The following TRIP12 variants were observed in gnomAD, a reference collection of about 807,000 sequenced individuals.
TRIP12 encodes E3 ubiquitin-protein ligase TRIP12.
Under a neutral mutation model 244.2 loss-of-function variants are expected in TRIP12, and 25 were observed. That is an observed-to-expected ratio of 0.10 (90% confidence interval 0.07 to 0.14). TRIP12 has a LOEUF of 0.14. TRIP12 is among the 10% of genes least tolerant of loss of function. TRIP12 has a pLI of 1.00. For missense variants in TRIP12, 1,677 were observed against 2,486.4 expected, an observed-to-expected ratio of 0.67 and a Z score of 6.92; for synonymous variants, 905 against 873.1, an observed-to-expected ratio of 1.04 and a Z score of -0.64.
At chr2:229,902,213 G>A (rs761729985) in intron 1 of TRIP12, among the ~76,000 whole-genome samples, 4 of 151,922 alleles carry the variant, frequency 2.6e-5, no homozygotes, top group African/African-American at 4.8e-5. Flanking sequence ...GTGAAACCCC[G>A]CCTCTGCTAA....
At chr2:229,897,204 G>A (rs1428529551) in intron 1 of TRIP12, among the ~76,000 whole-genome samples, 2 of 152,136 alleles carry the variant, frequency 1.3e-5, no homozygotes, top group Non-Finnish European at 1.5e-5. Flanking sequence ...GTGAAAAAGG[G>A]TTTAATCCAG....
intron 13 of TRIP12, 98 bp from the exon 14 acceptor site, chr2:229,811,302 A>G: frequency 8.0e-7 from 1 of 1,243,244 alleles, no homozygotes; most frequent in Non-Finnish European, 1.1e-6. Context: ...AGATTCTTCA[A>G]GGCAAGCTCA....
At chr2:229,793,267 A>T in intron 26 of TRIP12, 122 bp from the exon 27 acceptor site, 4 of 962,442 alleles carry the variant, frequency 4.2e-6, no homozygotes, top group Non-Finnish European at 5.8e-6. Flanking sequence ...CTAAGCATTT[A>T]CTTACCAGTT....
intron 1 of TRIP12, among the ~76,000 whole-genome samples, chr2:229,920,586 T>C (rs1346966090): frequency 6.6e-6 from 1 of 152,020 alleles, no homozygotes; most frequent in Admixed American, 6.6e-5. Flanking sequence ...TCCCCCAAAG[T>C]AAAACAGCAT....
chr2:229,785,366 G>C (rs528428554), intron 34 of TRIP12, among the ~76,000 whole-genome samples: 1 of 152,176 alleles, frequency 6.6e-6, no homozygotes, highest in Non-Finnish European at 1.5e-5. Flanking sequence ...TTATCTTGAC[G>C]TGAAAGTGGT....
chr2:229,869,556 C>T (rs1441242262), intron 2 of TRIP12, among the ~76,000 whole-genome samples: 1 of 152,154 alleles, frequency 6.6e-6, no homozygotes, highest in Non-Finnish European at 1.5e-5. Flanking sequence ...TTCCCCCTAC[C>T]GAGCTGGGTT....
At chr2:229,846,253 G>C (rs888620893) in intron 4 of TRIP12, among the ~76,000 whole-genome samples, 1 of 151,980 alleles carries the variant, frequency 6.6e-6, no homozygotes, top group Admixed American at 6.6e-5. Context: ...AATCTTTCGT[G>C]GAAGCAAAAG....
chr2:229,790,293 T>C (rs952941479), intron 30 of TRIP12, among the ~76,000 whole-genome samples: 1 of 152,202 alleles, frequency 6.6e-6, no homozygotes, highest in Admixed American at 6.5e-5. Flanking sequence ...AAAAAATAAA[T>C]CTGAGGGATT....
intron 2 of TRIP12, among the ~76,000 whole-genome samples, chr2:229,868,767 AAGT>A (rs1231895395): frequency 2.6e-5 from 4 of 152,242 alleles, no homozygotes; most frequent in African/African-American, 7.2e-5. Context: ...AAGTTTCACT[AAGT>A]AGGCTTTAGG....
chr2:229,921,329 G>C (rs1299075723), intron 1 of TRIP12: 1 of 152,798 alleles, frequency 6.5e-6, no homozygotes, highest in Non-Finnish European at 1.5e-5. Flanking sequence ...CACAACTGTT[G>C]TCACTGGAGC....
At chr2:229,869,696 T>C (rs1476495084) in intron 2 of TRIP12, among the ~76,000 whole-genome samples, 2 of 152,184 alleles carry the variant, frequency 1.3e-5, no homozygotes, top group Non-Finnish European at 2.9e-5. Flanking sequence ...TATACTGATG[T>C]TGTATTAAGG....
chr2:229,799,533 T>C (rs1575163829), intron 21 of TRIP12, 150 bp from the exon 22 acceptor site: 3 of 663,092 alleles, frequency 4.5e-6, no homozygotes, highest in Non-Finnish European at 8.0e-6. Flanking sequence ...TCCCAGCACT[T>C]TGGGAGGCCG....
At chr2:229,880,194 GGGAACTTACGGTGACAT>G in intron 1 of TRIP12, 66 bp from the exon 2 acceptor site, 1 of 972,630 alleles carries the variant, frequency 1.0e-6, no homozygotes. Context: ...AAGAAATGAG[GGGAACTTACGGTGACAT>G]GGAAATTTTC....
rs376797978 is a variant in TRIP12 at position 229,832,711 on chromosome 2, G to A, written c.1271-1872C>T. ...GTCAGATAGCTAGTTATGGCTGAGAGATCTGAACTCAGGAAGTCTGACTTC... is the reference window on the plus strand; with the variant it reads ...GTCAGATAGCTAGTTATGGCTGAGAAATCTGAACTCAGGAAGTCTGACTTC... On this transcript the variant is annotated intron_variant, in intron 6 of 41. Transcript: ENST00000675903. Among the ~76,000 whole-genome samples, 4 of 152,346 alleles carry A rather than the reference G, an allele frequency of 2.6e-5. No homozygotes were observed. In the South Asian group the frequency reaches 8.3e-4, roughly 32 times the overall value.
chr2:229,870,422 G>C (rs576004849), intron 2 of TRIP12, among the ~76,000 whole-genome samples: 3 of 152,318 alleles, frequency 2.0e-5, no homozygotes, highest in Non-Finnish European at 2.9e-5. Flanking sequence ...AAGGACAGAT[G>C]AACAGAGAGG....
intron 2 of TRIP12, among the ~76,000 whole-genome samples, chr2:229,868,271 G>C (rs1335680040): frequency 1.3e-5 from 2 of 152,196 alleles, no homozygotes; most frequent in Non-Finnish European, 2.9e-5. Context: ...GTGTAATCTT[G>C]GCTTACTGCA....
chr2:229,911,972 A>G (rs901242321), intron 1 of TRIP12, among the ~76,000 whole-genome samples: 5 of 152,184 alleles, frequency 3.3e-5, no homozygotes, highest in Admixed American at 6.5e-5. Flanking sequence ...GTTTCCCTAT[A>G]TAAGACTTAC....
intron 17 of TRIP12, chr2:229,806,197 A>ACCATTGT (rs1255867605): frequency 5.0e-6 from 1 of 200,258 alleles, no homozygotes; most frequent in African/African-American, 2.3e-5. Context: ...TTGTATTGAG[A>ACCATTGT]ATGCTTTTAA....
chr2:229,895,716 A>C (rs1490398643), intron 1 of TRIP12, among the ~76,000 whole-genome samples: 2 of 151,422 alleles, frequency 1.3e-5, no homozygotes, highest in African/African-American at 4.9e-5. Context: ...AGAGTGAAGA[A>C]ATGTGAGAGA....
Sources: allele counts gnomAD v4.1 joint callset (sites outside exome capture counted in the v4.1 genomes callset), GRCh38; gene constraint gnomAD v4.1.1; transcripts MANE v1.5; gene names NCBI Gene and HGNC (gene_info 2026-07-23, HGNC 2026-07-21).